Variants in MGAT4C observed in about 807,000 individuals in gnomAD.
The protein encoded by MGAT4C is alpha-1,3-mannosyl-glycoprotein 4-beta-N-acetylglucosaminyltransferase C.
In MGAT4C, 19 loss-of-function variants were observed where a neutral mutation model predicts 40.1. That is an observed-to-expected ratio of 0.47 (90% CI 0.33 to 0.70). MGAT4C has a LOEUF of 0.70. Ranked by LOEUF, MGAT4C falls within the 30% of genes least tolerant of loss-of-function variation. The pLI, the probability that MGAT4C is intolerant of heterozygous loss-of-function variation, is 0.02. For synonymous variants in MGAT4C, 181 were observed against 187.1 expected, an observed-to-expected ratio of 0.97 and a Z score of 0.27; for missense variants, 491 against 563.2, an observed-to-expected ratio of 0.87 and a Z score of 1.30.
rs902157293 is a variant in MGAT4C, at chr12:85,978,553, A to G, written c.*736T>C. The G allele has an allele frequency of 6.6e-6, 1 of 152,002 alleles. No individual in the cohort carries two copies. Among genetic ancestry groups the G allele is most frequent in the African/African-American group, 2.4e-5 (1 of 41,380 alleles). The allele number at this position is 152,002 out of a possible 1,614,324, so 9.4% of individuals were successfully genotyped here. A position where few individuals can be genotyped will look rare whatever the true frequency, so the allele number is the denominator to read the frequency against. On this transcript the variant is annotated 3_prime_UTR_variant, in exon 5 of 5. Coordinates refer to ENST00000611864, the MANE Select transcript of MGAT4C (RefSeq NM_001351288.2). Reference sequence around the variant, plus strand: ...TCTATTAAATGTGGGTACTCAATGTAACCTGAAAATATTGAGCTTAACTCT... The same window carrying G: ...TCTATTAAATGTGGGTACTCAATGTGACCTGAAAATATTGAGCTTAACTCT...
At chr12:86,490,961 A>C (rs571999935) in intron 2 of MGAT4C, among the ~76,000 whole-genome samples, 1 of 152,266 alleles carries the variant, frequency 6.6e-6, no homozygotes, top group East Asian at 1.9e-4. Context: ...CACAATAATA[A>C]TGGGAGACCT....
chr12:86,389,910 T>C (rs1461307067), intron 3 of MGAT4C, among the ~76,000 whole-genome samples: 1 of 152,234 alleles, frequency 6.6e-6, no homozygotes, highest in African/African-American at 2.4e-5. Context: ...TTGCATGTGG[T>C]TATGATATTT....
intron 1 of MGAT4C, among the ~76,000 whole-genome samples, chr12:86,151,308 C>T (rs898978764): frequency 1.1e-5 from 1 of 89,040 alleles, no homozygotes; most frequent in African/African-American, 3.4e-5. Context: ...GAACACACAG[C>T]GGAAAAAAAA....
At chr12:86,420,956 G>A (rs185769292) in intron 3 of MGAT4C, among the ~76,000 whole-genome samples, 111 of 150,650 alleles carry the variant, frequency 7.4e-4, no homozygotes, top group African/African-American at 2.6e-3. Context: ...TACTTTTTCT[G>A]GTAAAATCTG....
intron 2 of MGAT4C, among the ~76,000 whole-genome samples, chr12:86,036,070 G>A (rs1319312154): frequency 1.3e-5 from 2 of 149,648 alleles, no homozygotes; most frequent in Non-Finnish European, 3.0e-5. Context: ...CTCTTTTTTG[G>A]TTCCATATGA....
At chr12:86,264,544 C>T (rs905791694) in intron 4 of MGAT4C, among the ~76,000 whole-genome samples, 1 of 152,134 alleles carries the variant, frequency 6.6e-6, no homozygotes, top group African/African-American at 2.4e-5. Context: ...CGCCCCCTTC[C>T]GAGTTAGCTG....
At chr12:86,475,239 TTAAA>T (rs142630079) in intron 2 of MGAT4C, among the ~76,000 whole-genome samples, 2,944 of 152,096 alleles carry the variant, frequency 0.019, 82 homozygotes, top group African/African-American at 0.067. Flanking sequence ...GTTTTAGTGA[TTAAA>T]TAAAATATAG....
intron 2 of MGAT4C, among the ~76,000 whole-genome samples, chr12:86,037,919 G>C (rs1891405396): frequency 6.7e-6 from 1 of 149,448 alleles, no homozygotes; most frequent in South Asian, 2.1e-4. Flanking sequence ...TATTGTGTGG[G>C]AGTCTAAGCG....
intron 2 of MGAT4C, among the ~76,000 whole-genome samples, chr12:86,554,129 T>TAC (rs1301492710): frequency 2.8e-5 from 1 of 35,444 alleles, no homozygotes; most frequent in Non-Finnish European, 5.0e-5. Context: ...CACATACACA[T>TAC]ACATACACAC....
intron 2 of MGAT4C, among the ~76,000 whole-genome samples, chr12:86,653,535 C>G (rs1201568792): frequency 6.6e-6 from 1 of 151,752 alleles, no homozygotes; most frequent in Non-Finnish European, 1.5e-5. Context: ...TTAGCTTTAG[C>G]CTTCAGACCT....
chr12:86,035,853 T>C lies in MGAT4C; in HGVS notation c.-7+13821A>G, dbSNP rs183273594. ...TAGGGAATCCTTTCCCCATTGCTTG[T>C]TTTTGTCAGGTTTGTTAAAGATAAG... On this transcript the variant is annotated intron_variant, in intron 2 of 4. Coordinates refer to ENST00000611864, the MANE Select transcript of MGAT4C (RefSeq NM_001351288.2). Among the ~76,000 whole-genome samples the C allele has an allele frequency of 2.5e-3, 374 of 150,098 alleles. 6 individuals carry two copies. Among genetic ancestry groups the C allele is most frequent in the African/African-American group, 8.7e-3 (362 of 41,388 alleles).
At chr12:86,515,560 G>A (rs1958669412) in intron 2 of MGAT4C, among the ~76,000 whole-genome samples, 1 of 151,824 alleles carries the variant, frequency 6.6e-6, no homozygotes, top group Non-Finnish European at 1.5e-5. Context: ...AACAATCAAT[G>A]TAAATAGAAT....
intron 1 of MGAT4C, among the ~76,000 whole-genome samples, chr12:86,061,289 C>T (rs890501779): frequency 8.6e-5 from 13 of 152,026 alleles, no homozygotes; most frequent in Non-Finnish European, 1.3e-4. Flanking sequence ...CAAGGGAAGC[C>T]GTGAGGGACT....
rs1413951009 is a variant in MGAT4C, at chr12:85,969,063, T to G, written c.*10226A>C. 6.6e-6 allele frequency: 1 copy of G among 151,820 alleles called. No homozygotes were observed. The highest frequency in any genetic ancestry group is 1.5e-5 in the Non-Finnish European group (1 of 67,774). The allele number at this position is 151,820 out of a possible 1,614,324, so 9.4% of individuals were successfully genotyped here. ...ATGGACAATCTGCATCAGTGTTAAC[T>G]AAAATACATTGAAAGTGCCAATTCC... is the stretch of plus-strand genomic sequence containing the variant. On this transcript the variant is annotated 3_prime_UTR_variant, in exon 5 of 5. Coordinates refer to ENST00000611864, the MANE Select transcript of MGAT4C (RefSeq NM_001351288.2).
At chr12:86,720,399 C>G (rs559856436) in intron 2 of MGAT4C, among the ~76,000 whole-genome samples, 5 of 152,152 alleles carry the variant, frequency 3.3e-5, no homozygotes, top group Non-Finnish European at 4.4e-5. Flanking sequence ...GTGGTGGAAA[C>G]AGACTTGACC....
intron 1 of MGAT4C, among the ~76,000 whole-genome samples, chr12:86,197,545 A>G (rs1472026369): frequency 6.6e-6 from 1 of 152,184 alleles, no homozygotes; most frequent in Non-Finnish European, 1.5e-5. Flanking sequence ...AGAAAATGGC[A>G]GTCCGCAGAG....
intron 2 of MGAT4C, among the ~76,000 whole-genome samples, chr12:86,692,868 G>A (rs760054195): frequency 5.9e-5 from 9 of 152,030 alleles, no homozygotes; most frequent in African/African-American, 1.2e-4. Context: ...TGTTTGTTAC[G>A]GAATGTGCTT....
intron 2 of MGAT4C, among the ~76,000 whole-genome samples, chr12:86,504,262 C>G (rs1216580326): frequency 6.6e-6 from 1 of 152,098 alleles, no homozygotes; most frequent in African/African-American, 2.4e-5. Context: ...ATGCACTATC[C>G]TATGACTCAG....
intron 1 of MGAT4C, among the ~76,000 whole-genome samples, chr12:86,151,658 C>T (rs1884303048): frequency 6.6e-6 from 1 of 152,120 alleles, no homozygotes; most frequent in African/African-American, 2.4e-5. Flanking sequence ...TGAACACATC[C>T]ATATGTTTTA....
Sources: allele counts gnomAD v4.1 joint callset (sites outside exome capture counted in the v4.1 genomes callset), GRCh38; gene constraint gnomAD v4.1.1; transcripts MANE v1.5; gene names NCBI Gene and HGNC (gene_info 2026-07-23, HGNC 2026-07-21).